GYPB: variants seen among roughly 807,000 people sequenced by gnomAD.
The protein encoded by GYPB is glycophorin B (MNS blood group).
A neutral mutation model predicts 15.3 loss-of-function variants in GYPB; 13 were observed. The ratio of observed to expected loss-of-function variants is 0.85; its 90% CI spans 0.55 to 1.35. The LOEUF (loss-of-function observed/expected upper bound fraction) is 1.35. GYPB is among the 40% of genes most tolerant of loss of function. The pLI is 0.00. For synonymous variants in GYPB, 38 were observed against 36.9 expected (o/e 1.03, Z -0.11); for missense variants, 131 against 108.3 (o/e 1.21, Z -0.93).
intron 2 of GYPB, 141 bp downstream of exon 2, chr4:144,001,044 G>A: frequency 1.4e-6 from 2 of 1,418,542 alleles, no homozygotes; most frequent in Non-Finnish European, 1.9e-6. Flanking sequence ...TAAGAATTGT[G>A]TCTACTTAGT....
At chr4:144,013,979 G>A (rs1448805110) in intron 1 of GYPB, among the ~76,000 whole-genome samples, 1 of 151,436 alleles carries the variant, frequency 6.6e-6, no homozygotes, top group Non-Finnish European at 1.5e-5. Context: ...GCAAAATGCA[G>A]TTACCAACAA....
chr4:144,011,167 G>A (rs1728201163), intron 1 of GYPB, among the ~76,000 whole-genome samples: 1 of 12,286 alleles, frequency 8.1e-5, no homozygotes, highest in African/African-American at 8.7e-5. Context: ...GATTGCCTGA[G>A]CTCAGAGTTG....
Position 144,018,011 on chromosome 4 carries a change from T to C in GYPB, c.37+1240A>G, listed in dbSNP as rs1384539401. On this transcript the variant is annotated intron_variant, in intron 1 of 4. Coordinates refer to ENST00000502664, the MANE Select transcript of GYPB (RefSeq NM_002100.6). ...AGGTTTGTTCCCTAGTCTATAATTA[T>C]TGATAGCTACTAATTATTTTAATAT... is the stretch of plus-strand genomic sequence containing the variant. Among the ~76,000 whole-genome samples, 7 of 151,470 alleles carry C rather than the reference T, an allele frequency of 4.6e-5. 3 individuals are homozygous for C. Among genetic ancestry groups the C allele is most frequent in the African/African-American group, 1.7e-4 (7 of 40,818 alleles).
At chr4:144,018,108 A>AT (rs1159128036) in intron 1 of GYPB, among the ~76,000 whole-genome samples, 2 of 151,344 alleles carry the variant, frequency 1.3e-5, no homozygotes, top group African/African-American at 4.9e-5. Flanking sequence ...TACGCTTAAC[A>AT]TTTTACTTTG....
Position 143,996,321 on chromosome 4 carries a change from A to G in GYPB, c.271-17T>C. On this transcript the variant is annotated splice_polypyrimidine_tract_variant and intron_variant, in intron 4 of 4. Coordinates refer to ENST00000502664, the MANE Select transcript of GYPB (RefSeq NM_002100.6). ...TCCTCATGCCTGTGATAAAAAGACA[A>G]GAAGTTTCCACTTCAGCCTCTGCTT... is the stretch of plus-strand genomic sequence containing the variant. 1 of 1,550,564 alleles carries G rather than the reference A, an allele frequency of 6.4e-7. No homozygotes were observed. Among genetic ancestry groups the G allele is most frequent in the Non-Finnish European group, 8.7e-7 (1 of 1,147,076 alleles).
intron 1 of GYPB, chr4:144,002,559 C>A: frequency 7.8e-7 from 1 of 1,276,288 alleles, no homozygotes; most frequent in South Asian, 1.2e-5. Flanking sequence ...ACCCTGAACT[C>A]TGTAGATGTA....
At chr4:143,999,331 A>ACATTT in intron 3 of GYPB, 80 bp downstream of exon 3, 1 of 746,206 alleles carries the variant, frequency 1.3e-6, no homozygotes, top group South Asian at 1.6e-5. Context: ...TAAGATAGAC[A>ACATTT]CATTTTCTTA....
At chr4:144,003,312 C>G (rs529011617) in intron 1 of GYPB, among the ~76,000 whole-genome samples, 1 of 150,598 alleles carries the variant, frequency 6.6e-6, no homozygotes, top group Non-Finnish European at 1.5e-5. Context: ...AAAAAACATG[C>G]GGGAGCTTTG....
chr4:144,001,489 CCT>C (rs1727625725), intron 1 of GYPB, among the ~76,000 whole-genome samples: 1 of 151,328 alleles, frequency 6.6e-6, no homozygotes, highest in South Asian at 2.1e-4. Flanking sequence ...GCCAGAAGCC[CCT>C]CCAGAATTTT....
intron 1 of GYPB, among the ~76,000 whole-genome samples, chr4:144,014,987 G>C (rs1258796507): frequency 4.0e-5 from 6 of 151,302 alleles, no homozygotes; most frequent in Admixed American, 1.3e-4. Context: ...ACACTACAAA[G>C]AAAGATGACA....
chr4:144,000,503 A>T (rs551056733), intron 2 of GYPB: 2 of 631,754 alleles, frequency 3.2e-6, no homozygotes, highest in Non-Finnish European at 4.9e-6. Context: ...TGAGAAAGGG[A>T]ACAAGAATGA....
At chr4:144,010,684 C>G (rs904613241) in intron 1 of GYPB, among the ~76,000 whole-genome samples, 1 of 151,200 alleles carries the variant, frequency 6.6e-6, no homozygotes, top group African/African-American at 2.5e-5. Flanking sequence ...ACCTGGCTGC[C>G]AGATCAATAG....
intron 1 of GYPB, among the ~76,000 whole-genome samples, chr4:144,001,839 A>T (rs1168099610): frequency 6.6e-6 from 1 of 150,872 alleles, no homozygotes; most frequent in Non-Finnish European, 1.5e-5. Flanking sequence ...GGACAATCTT[A>T]CTTCTTCAAT....
intron 1 of GYPB, among the ~76,000 whole-genome samples, chr4:144,018,367 G>T: frequency 6.7e-6 from 1 of 149,144 alleles, no homozygotes; most frequent in African/African-American, 2.6e-5. Flanking sequence ...CTTAGAAAAT[G>T]CTGATCTCTC....
chr4:144,016,177 C>A (rs1728490347), intron 1 of GYPB, among the ~76,000 whole-genome samples: 2 of 131,412 alleles, frequency 1.5e-5, no homozygotes, highest in African/African-American at 2.9e-5. Context: ...AAAAGAGATG[C>A]CTTGTTTCTT....
chr4:144,006,929 T>A (rs1241873202), intron 1 of GYPB, among the ~76,000 whole-genome samples: 3 of 151,116 alleles, frequency 2.0e-5, no homozygotes, highest in Non-Finnish European at 2.9e-5. Context: ...AGAATTAACG[T>A]ATAAATGGGA....
chr4:144,006,953 TAA>T, intron 1 of GYPB, among the ~76,000 whole-genome samples: 1 of 151,066 alleles, frequency 6.6e-6, no homozygotes, highest in East Asian at 1.9e-4. Flanking sequence ...TTGCCTGTGC[TAA>T]AAGATGTTTG....
intron 1 of GYPB, among the ~76,000 whole-genome samples, chr4:144,005,594 G>C (rs1370931589): frequency 6.6e-6 from 1 of 151,540 alleles, no homozygotes; most frequent in African/African-American, 2.5e-5. Context: ...GCTGAGATGA[G>C]AGTCAGTTTC....
chr4:144,008,511 G>C (rs4054521), intron 1 of GYPB: 2 of 454,912 alleles, frequency 4.4e-6, no homozygotes, highest in African/African-American at 2.0e-5. Flanking sequence ...AGTCTGTTAA[G>C]TTGAATCTTA....
Sources: gnomAD v4.1 joint callset for allele counts (sites outside exome capture counted in the v4.1 genomes callset) on GRCh38, gnomAD v4.1.1 for gene constraint, MANE v1.5 for transcripts, NCBI Gene and HGNC (gene_info 2026-07-23, HGNC 2026-07-21) for gene names.